ETFA: variants seen among roughly 807,000 people sequenced by gnomAD.
ETFA encodes electron transfer flavoprotein subunit alpha, mitochondrial.
ETFA carries 22 observed loss-of-function variants against 46.2 expected under a neutral mutation model. The ratio of observed to expected loss-of-function variants is 0.48; its 90% CI spans 0.34 to 0.68. ETFA has a LOEUF of 0.68. ETFA is among the 30% of genes least tolerant of loss of function. The pLI is 0.01. For missense variants in ETFA, 345 were observed against 401.1 expected, an observed-to-expected ratio of 0.86 and a Z score of 1.19; for synonymous variants, 131 against 139.9, an observed-to-expected ratio of 0.94 and a Z score of 0.45.
At chr15:76,271,844 CA>C (rs1310634452) in intron 9 of ETFA, among the ~76,000 whole-genome samples, 1 of 151,500 alleles carries the variant, frequency 6.6e-6, no homozygotes, top group Non-Finnish European at 1.5e-5. Context: ...AGATCCTTAA[CA>C]AAATGTACAT....
intron 1 of ETFA, among the ~76,000 whole-genome samples, chr15:76,299,629 A>G (rs1408038717): frequency 6.6e-6 from 1 of 152,088 alleles, no homozygotes; most frequent in Non-Finnish European, 1.5e-5. Flanking sequence ...CTACTCTTAG[A>G]AGGTAGCCTC....
intron 6 of ETFA, 123 bp from the exon 7 acceptor site, chr15:76,285,861 T>G: frequency 1.4e-6 from 1 of 704,434 alleles, no homozygotes; most frequent in Non-Finnish European, 2.6e-6. Context: ...CTGTGAATTT[T>G]CAGTGCTCCT....
At chr15:76,226,629 A>G (rs2039007496) in intron 10 of ETFA, among the ~76,000 whole-genome samples, 1 of 152,224 alleles carries the variant, frequency 6.6e-6, no homozygotes, top group Admixed American at 6.5e-5. Context: ...CTGTAATCCC[A>G]GCACTTTGAG....
rs144745209 is a variant in ETFA, at chr15:76,266,041, G to A, written c.816+8371C>T. On this transcript the variant is annotated intron_variant, in intron 9 of 11. Transcript: ENST00000557943. ...GGAACAATTGCAAAAGGGACATACA[G>A]AGCCTACTTTCTCCCCTTGGAATTC... Among the ~76,000 whole-genome samples the A allele has an allele frequency of 3.9e-3, 589 of 152,290 alleles. 3 individuals are homozygous for A. The highest frequency in any genetic ancestry group is 0.013 in the African/African-American group (557 of 41,562).
chr15:76,265,121 C>T (rs891959634), intron 9 of ETFA, among the ~76,000 whole-genome samples: 1 of 152,220 alleles, frequency 6.6e-6, no homozygotes, highest in Non-Finnish European at 1.5e-5. Flanking sequence ...CAGCACAATT[C>T]CTGTCTCCTT....
At chr15:76,264,030 T>C (rs1383107333) in intron 9 of ETFA, among the ~76,000 whole-genome samples, 1 of 152,092 alleles carries the variant, frequency 6.6e-6, no homozygotes, top group East Asian at 1.9e-4. Flanking sequence ...CAAAATTCTA[T>C]TCAAAAAGCT....
chr15:76,307,572 A>C (rs976782423), intron 1 of ETFA, among the ~76,000 whole-genome samples: 7 of 151,664 alleles, frequency 4.6e-5, no homozygotes, highest in Non-Finnish European at 8.8e-5. Flanking sequence ...ATGCAGCCTC[A>C]AATGCCCAGG....
At chr15:76,258,428 G>A (rs2039368186) in intron 9 of ETFA, among the ~76,000 whole-genome samples, 1 of 152,062 alleles carries the variant, frequency 6.6e-6, no homozygotes, top group Non-Finnish European at 1.5e-5. Context: ...GCCTAGACAG[G>A]GTACGGAATC....
chr15:76,231,415 C>A lies in ETFA; in HGVS notation c.817-17G>T. ...ATAAAGTTCCTGAAATAAAAGAGGT[C>A]ACATTATTAATATGTATTTATATTA... On this transcript the variant is annotated splice_polypyrimidine_tract_variant and intron_variant, in intron 9 of 11. Coordinates refer to ENST00000557943, the MANE Select transcript of ETFA (RefSeq NM_000126.4). 6.6e-7 allele frequency: 1 copy of A among 1,514,692 alleles called. No homozygotes were observed. The highest frequency in any genetic ancestry group is 9.2e-7 in the Non-Finnish European group (1 of 1,091,152). The allele number at this position is 1,514,692 out of a possible 1,614,324, so 93.8% of individuals were successfully genotyped here.
chr15:76,218,196 A>G (rs1320474441), intron 11 of ETFA, among the ~76,000 whole-genome samples: 1 of 152,184 alleles, frequency 6.6e-6, no homozygotes, highest in Admixed American at 6.5e-5. Flanking sequence ...ATATATCCTT[A>G]CCACACTCCC....
chr15:76,278,558 T>A (rs1428274439), intron 8 of ETFA, among the ~76,000 whole-genome samples: 1 of 152,212 alleles, frequency 6.6e-6, no homozygotes, highest in African/African-American at 2.4e-5. Flanking sequence ...CATCCAAATA[T>A]CCAACCATGT....
chr15:76,306,264 C>CTTTTTTTT (rs2039939114), intron 1 of ETFA, among the ~76,000 whole-genome samples: 3 of 55,054 alleles, frequency 5.4e-5, no homozygotes, highest in Admixed American at 6.8e-4. Flanking sequence ...GGTTTTTTTG[C>CTTTTTTTT]TTCTTTTTTT....
At chr15:76,263,771 G>T (rs2039443433) in intron 9 of ETFA, among the ~76,000 whole-genome samples, 1 of 152,164 alleles carries the variant, frequency 6.6e-6, no homozygotes, top group Non-Finnish European at 1.5e-5. Flanking sequence ...ATTCAGATGA[G>T]GAAGAGGAGG....
chr15:76,218,522 C>A (rs542147701), intron 11 of ETFA, among the ~76,000 whole-genome samples: 7 of 152,322 alleles, frequency 4.6e-5, no homozygotes, highest in Non-Finnish European at 8.8e-5. Flanking sequence ...CCACCCACCT[C>A]AGGCTCCCAA....
intron 9 of ETFA, among the ~76,000 whole-genome samples, chr15:76,238,750 T>C (rs1567199834): frequency 6.6e-6 from 1 of 152,254 alleles, no homozygotes; most frequent in Non-Finnish European, 1.5e-5. Context: ...TATTTCATCC[T>C]GCTGCTCATT....
intron 9 of ETFA, among the ~76,000 whole-genome samples, chr15:76,257,426 A>G (rs1049411115): frequency 5.9e-5 from 9 of 152,248 alleles, no homozygotes; most frequent in Non-Finnish European, 1.3e-4. Flanking sequence ...AATGCTCATC[A>G]TCACTGGCCA....
chr15:76,303,103 G>A (rs570148547), intron 1 of ETFA, among the ~76,000 whole-genome samples: 2 of 152,194 alleles, frequency 1.3e-5, no homozygotes, highest in South Asian at 4.1e-4. Context: ...TCAGGAGTTC[G>A]AGACCAGCCT....
chr15:76,221,498 A>C (rs569503672), intron 11 of ETFA, among the ~76,000 whole-genome samples: 1 of 152,362 alleles, frequency 6.6e-6, no homozygotes, highest in East Asian at 1.9e-4. Context: ...ATCTCAGTAA[A>C]GCTGTTATAC....
At chr15:76,233,616 C>T (rs1462467291) in intron 9 of ETFA, among the ~76,000 whole-genome samples, 2 of 152,198 alleles carry the variant, frequency 1.3e-5, no homozygotes, top group East Asian at 1.9e-4. Flanking sequence ...GCATGAGCCA[C>T]GGCGCCCAGC....
Sources: allele counts gnomAD v4.1 joint callset (sites outside exome capture counted in the v4.1 genomes callset), GRCh38; gene constraint gnomAD v4.1.1; transcripts MANE v1.5; gene names NCBI Gene and HGNC (gene_info 2026-07-23, HGNC 2026-07-21).